Variants in QRSL1 observed in about 807,000 individuals in gnomAD.
QRSL1 encodes glutamyl-tRNA(Gln) amidotransferase subunit A, mitochondrial.
A neutral mutation model predicts 61.6 loss-of-function variants in QRSL1; 54 were observed. That is an observed-to-expected ratio of 0.88 (90% CI 0.70 to 1.10). QRSL1 has a LOEUF of 1.10. Among genes scored for constraint, QRSL1 ranks in the 50% least tolerant of loss-of-function variants. The pLI is 0.00. For synonymous variants in QRSL1, 228 were observed against 225.7 expected (o/e 1.01, Z -0.09); for missense variants, 505 against 622.6 (o/e 0.81, Z 2.01).
At chr6:106,657,718 A>T (rs1300426899) in intron 9 of QRSL1, among the ~76,000 whole-genome samples, 2 of 151,096 alleles carry the variant, frequency 1.3e-5, no homozygotes, top group Non-Finnish European at 3.0e-5. Context: ...TTATTTATTT[A>T]TTTTTGAGAC....
chr6:106,647,842 G>A (rs1279919044), intron 4 of QRSL1, among the ~76,000 whole-genome samples: 11 of 148,828 alleles, frequency 7.4e-5, no homozygotes, highest in Admixed American at 6.7e-5. Context: ...AGTAGAGATG[G>A]GGTTTCACCG....
At chr6:106,664,289 T>C (rs1777400889) in intron 10 of QRSL1, among the ~76,000 whole-genome samples, 1 of 152,216 alleles carries the variant, frequency 6.6e-6, no homozygotes, top group Non-Finnish European at 1.5e-5. Context: ...TAATTTTTGT[T>C]TCAATCATCA....
At chr6:106,657,592 C>G (rs1777291429) in intron 9 of QRSL1, among the ~76,000 whole-genome samples, 1 of 152,156 alleles carries the variant, frequency 6.6e-6, no homozygotes, top group African/African-American at 2.4e-5. Context: ...GCTGGTATCC[C>G]TAGCTCCTGA....
intron 5 of QRSL1, among the ~76,000 whole-genome samples, chr6:106,650,435 A>G (rs1777174212): frequency 6.6e-6 from 1 of 152,218 alleles, no homozygotes; most frequent in Non-Finnish European, 1.5e-5. Context: ...CCAAAGCTTC[A>G]CTTTAAATAT....
intron 4 of QRSL1, among the ~76,000 whole-genome samples, chr6:106,645,409 G>A (rs561768397): frequency 5.3e-5 from 8 of 151,448 alleles, no homozygotes; most frequent in South Asian, 2.1e-4. Flanking sequence ...TGATTTATTC[G>A]TGTGTTTTAT....
At position 106,663,103 on chromosome 6, in the gene QRSL1, AC is replaced by A. The variant is rs1214720970; in HGVS notation, c.1286del (p.Pro429HisfsTer24). On this transcript the variant is annotated frameshift_variant, in exon 10 of 11. Transcript: ENST00000369046. LOFTEE classifies it high-confidence loss of function. ...CTCCCACCACCTTGAGTGAGGCAGT[AC>A]CATACTTGGAGTTCATCAAAGAGGA... ...LTPTTLSEAV[P>X]YLEFIKEDNR... 1.2e-6 allele frequency: 2 copies of A among 1,614,184 alleles called. No homozygotes were observed. Among genetic ancestry groups the A allele is most frequent in the Non-Finnish European group, 1.7e-6 (2 of 1,179,990 alleles).
At chr6:106,641,794 G>C (rs536304887) in intron 3 of QRSL1, among the ~76,000 whole-genome samples, 6 of 152,254 alleles carry the variant, frequency 3.9e-5, no homozygotes, top group African/African-American at 7.2e-5. Flanking sequence ...CAAGTACAAT[G>C]AGCAAAATAG....
At chr6:106,661,633 G>A (rs1203278949) in intron 9 of QRSL1, among the ~76,000 whole-genome samples, 6 of 149,826 alleles carry the variant, frequency 4.0e-5, no homozygotes, top group Admixed American at 2.0e-4. Context: ...AACTGGAGCA[G>A]GTATATCCAT....
In QRSL1 at chr6:106,640,900, T is replaced by C; in HGVS notation, c.262T>C (p.Cys88Arg). 1 of 1,613,446 alleles carries C rather than the reference T, an allele frequency of 6.2e-7. No homozygotes were observed. Among genetic ancestry groups the C allele is most frequent in the Non-Finnish European group, 8.5e-7 (1 of 1,179,552 alleles). Residue 88 changes from cysteine (C) to arginine (R), a missense_variant, in exon 3 of 11, where the codon TGT (cysteine) becomes CGT (arginine). Physicochemically the swap from Cys to Arg is radical, Grantham distance 180. Transcript: ENST00000369046. ...CAGCACTTCTGGCATTGAGACAACA[T>C]GTGCATCAAATATGCTGAAAGGTAA... is the stretch of plus-strand genomic sequence containing the variant. ...NFSTSGIETTCASNMLKGYIP... is the reference protein window; with the variant it reads ...NFSTSGIETTRASNMLKGYIP...
intron 1 of QRSL1, among the ~76,000 whole-genome samples, chr6:106,638,791 G>A (rs1238577852): frequency 6.6e-6 from 1 of 152,078 alleles, no homozygotes; most frequent in Admixed American, 6.5e-5. Flanking sequence ...CCCACTGCTT[G>A]TTGCATTTAA....
chr6:106,657,670 T>C (rs1283522532), intron 9 of QRSL1, among the ~76,000 whole-genome samples: 1 of 152,174 alleles, frequency 6.6e-6, no homozygotes, highest in Non-Finnish European at 1.5e-5. Context: ...GGAATACTTT[T>C]TTTATTTTAA....
In QRSL1 at chr6:106,663,082, C is replaced by T. The variant is rs1318699688; in HGVS notation, c.1263C>T (p.Pro421=). The stretch of plus-strand genomic sequence containing the variant: ...CTGGAGTAGATGTCTTGCTAACTCC[C>T]ACCACCTTGAGTGAGGCAGTACCAT... The part of the protein sequence containing the change: ...FNSGVDVLLT[P]TTLSEAVPYL... The change falls in exon 10 of 11, where the codon CCC becomes CCT. Residue 421 remains proline (P), a synonymous_variant. Transcript: ENST00000369046. The T allele has an allele frequency of 3.1e-6, 5 of 1,613,702 alleles. No homozygotes were observed. Among genetic ancestry groups the T allele is most frequent in the Non-Finnish European group, 4.2e-6 (5 of 1,179,588 alleles).
rs1777427422 is a variant in QRSL1 at position 106,665,950 on chromosome 6, GT to G, written c.1537del (p.Ser513GlnfsTer9). ...CAACTTCAAGAACTCATGGATGATT[GT>G]TCAGCAGTCCTTGAAAATGAAAAGT... ...VIQLQELMDD[C>X]SAVLENEKLA... On this transcript the variant is annotated frameshift_variant, in exon 11 of 11. Transcript: ENST00000369046. LOFTEE classifies it high-confidence loss of function. The G allele has an allele frequency of 6.2e-7, 1 of 1,613,870 alleles. No individual in the cohort carries two copies. The highest frequency in any genetic ancestry group is 8.5e-7 in the Non-Finnish European group (1 of 1,179,872).
chr6:106,664,227 G>C (rs1198920479), intron 10 of QRSL1, among the ~76,000 whole-genome samples: 3 of 152,036 alleles, frequency 2.0e-5, no homozygotes, highest in Admixed American at 6.6e-5. Flanking sequence ...TTAAAATCTA[G>C]AACAATCACC....
At chr6:106,631,580 T>C (rs1467670703) in intron 1 of QRSL1, among the ~76,000 whole-genome samples, 1 of 152,220 alleles carries the variant, frequency 6.6e-6, no homozygotes, top group East Asian at 1.9e-4. Flanking sequence ...TGGACAGACA[T>C]TCTTACAGAA....
rs1562165007 is a variant in QRSL1, at chr6:106,639,115, T to TG, written c.25-1233dup. ...AACTTGTGTGGTTATTTGTGTGTTT[T>TG]GTTGTTTTTTTTTTTTTTTTTTTTT... On this transcript the variant is annotated intron_variant, in intron 1 of 10. Coordinates refer to ENST00000369046, the MANE Select transcript of QRSL1 (RefSeq NM_018292.5). Among the ~76,000 whole-genome samples the TG allele has an allele frequency of 7.0e-4, 49 of 70,414 alleles. 3 individuals carry two copies. Among genetic ancestry groups the TG allele is most frequent in the African/African-American group, 2.7e-3 (45 of 16,722 alleles). 46.2% of individuals were successfully genotyped at this position (70,414 alleles called of 152,430 possible). A position where few individuals can be genotyped will look rare whatever the true frequency, so the allele number is the denominator to read the frequency against.
At chr6:106,662,848 C>T (rs563475890) in intron 9 of QRSL1, 132 bp from the exon 10 acceptor site, 1 of 786,128 alleles carries the variant, frequency 1.3e-6, no homozygotes, top group African/African-American at 1.7e-5. Flanking sequence ...GGGCATTACA[C>T]AGGCAAGCCA....
chr6:106,655,529 A>T, intron 8 of QRSL1, 86 bp from the exon 9 acceptor site: 1 of 790,784 alleles, frequency 1.3e-6, no homozygotes, highest in South Asian at 1.5e-5. Context: ...AAAAAAAAAA[A>T]AAAAGTGAAT....
chr6:106,663,906 CATT>C (rs1377978864), intron 10 of QRSL1, among the ~76,000 whole-genome samples: 1 of 152,064 alleles, frequency 6.6e-6, no homozygotes, highest in African/African-American at 2.4e-5. Context: ...ATCTTGTTAA[CATT>C]ATATTTGCTT....
Sources: allele counts gnomAD v4.1 joint callset (sites outside exome capture counted in the v4.1 genomes callset), GRCh38; gene constraint gnomAD v4.1.1; transcripts MANE v1.5; gene names NCBI Gene and HGNC (gene_info 2026-07-23, HGNC 2026-07-21).